IQCF1: variants seen among roughly 807,000 people sequenced by gnomAD.
IQCF1 encodes the protein IQ domain-containing protein F1.
IQCF1 carries 9 observed loss-of-function variants against 12.5 expected under a neutral mutation model. The ratio of observed to expected loss-of-function variants is 0.72; its 90% CI spans 0.43 to 1.26. The LOEUF is 1.26. Ranked by LOEUF, IQCF1 falls within the 50% of genes most tolerant of loss-of-function variation. The pLI is 0.00. For missense variants in IQCF1, 252 were observed against 257.4 expected, an observed-to-expected ratio of 0.98 and a Z score of 0.14; for synonymous variants, 67 against 96.2, an observed-to-expected ratio of 0.70 and a Z score of 1.78.
At chr3:51,902,964 C>A (rs967044333) in intron 2 of IQCF1, 21 bp downstream of exon 2, 4 of 1,573,064 alleles carry the variant, frequency 2.5e-6, no homozygotes, top group Non-Finnish European at 3.5e-6. Flanking sequence ...TCAATGACAT[C>A]CAAGTCAGGG....
At chr3:51,898,218 AAG>A (rs911495046) in intron 2 of IQCF1, among the ~76,000 whole-genome samples, 6 of 149,006 alleles carry the variant, frequency 4.0e-5, no homozygotes, top group East Asian at 2.0e-4. Context: ...AACACAGTCA[AAG>A]AGAGAGAGAA....
intron 2 of IQCF1, among the ~76,000 whole-genome samples, chr3:51,899,320 T>C (rs372634128): frequency 6.6e-6 from 1 of 152,182 alleles, no homozygotes; most frequent in Non-Finnish European, 1.5e-5. Context: ...AATTGAGGCA[T>C]GTTGAAGAAT....
chr3:51,895,970 A>G lies in IQCF1; in HGVS notation c.172-634T>C, dbSNP rs1040943697. On this transcript the variant is annotated intron_variant, in intron 3 of 3. Coordinates refer to ENST00000310914, the MANE Select transcript of IQCF1 (RefSeq NM_152397.3). This position sits in a 1 kb window ranked among gnomAD's most constrained non-coding sequence, Gnocchi z 4.8. Reference sequence around the variant, plus strand: ...ATAACATTACCAGACAAGGAAGAAAAATATTTTATCCCAAAACATGTTTCT... The same window carrying G: ...ATAACATTACCAGACAAGGAAGAAAGATATTTTATCCCAAAACATGTTTCT... Among the ~76,000 whole-genome samples, 1 of 152,188 alleles carries G rather than the reference A, an allele frequency of 6.6e-6. No homozygotes were observed. The highest frequency in any genetic ancestry group is 2.4e-5 in the African/African-American group (1 of 41,438).
Position 51,903,350 on chromosome 3 carries a change from G to T in IQCF1, c.-78C>A. On this transcript the variant is annotated 5_prime_UTR_variant, in exon 1 of 4. Transcript: ENST00000310914. ...CATCCAGCCATAGCATAGGCAGGAA[G>T]GGTGGAGGAAGAAAGGCCTGTGATG... The T allele has an allele frequency of 1.3e-6, 2 of 1,543,872 alleles. No individual in the cohort carries two copies. Among genetic ancestry groups the T allele is most frequent in the African/African-American group, 1.4e-5 (1 of 73,658 alleles).
In IQCF1 at chr3:51,895,729, T is replaced by C. The variant is rs566265099; in HGVS notation, c.172-393A>G. Among the ~76,000 whole-genome samples the C allele has an allele frequency of 1.3e-5, 2 of 152,184 alleles. No homozygotes were observed. The highest frequency in any genetic ancestry group is 2.4e-5 in the African/African-American group (1 of 41,454). The stretch of plus-strand genomic sequence containing the variant: ...CCACCTACTGGAGAAGTCACATCCT[T>C]TGCCGGCCCTGCCTTCTCATCCCTG... On this transcript the variant is annotated intron_variant, in intron 3 of 3. Transcript: ENST00000310914. This position sits in a 1 kb window ranked among gnomAD's most constrained non-coding sequence, Gnocchi z 4.8.
chr3:51,899,733 AAC>A (rs1699053247), intron 2 of IQCF1, among the ~76,000 whole-genome samples: 1 of 152,256 alleles, frequency 6.6e-6, no homozygotes, highest in African/African-American at 2.4e-5. Flanking sequence ...AAAGGTTAAA[AAC>A]AGTCTATAAA....
At chr3:51,901,746 G>T (rs2106645836) in intron 2 of IQCF1, among the ~76,000 whole-genome samples, 1 of 152,324 alleles carries the variant, frequency 6.6e-6, no homozygotes, top group Non-Finnish European at 1.5e-5. Flanking sequence ...TGCAGGATTT[G>T]AGTCAATATT....
chr3:51,899,958 CAGTA>C (rs1368349525), intron 2 of IQCF1, among the ~76,000 whole-genome samples: 1 of 152,102 alleles, frequency 6.6e-6, no homozygotes, highest in East Asian at 1.9e-4. Context: ...GGAAATTTCT[CAGTA>C]AGAAGGCACC....
intron 2 of IQCF1, among the ~76,000 whole-genome samples, chr3:51,897,224 G>A (rs910145333): frequency 3.3e-5 from 5 of 151,996 alleles, no homozygotes; most frequent in Non-Finnish European, 4.4e-5. Context: ...TAGCCTGTGC[G>A]GTCTAACCCT....
chr3:51,896,808 C>G (rs763685705), intron 3 of IQCF1, 24 bp downstream of exon 3: 24 of 1,574,492 alleles, frequency 1.5e-5, no homozygotes, highest in Non-Finnish European at 2.1e-5. Context: ...CAGCCCCAGC[C>G]CTGTGTGGTT....
chr3:51,903,224 T>A (rs775318752), intron 1 of IQCF1, 46 bp downstream of exon 1: 7 of 1,611,346 alleles, frequency 4.3e-6, no homozygotes, highest in Non-Finnish European at 5.9e-6. Context: ...CTGAGAGATC[T>A]ATGGGGACAT....
chr3:51,901,597 A>T (rs1003558553), intron 2 of IQCF1, among the ~76,000 whole-genome samples: 6 of 152,194 alleles, frequency 3.9e-5, no homozygotes, highest in African/African-American at 1.4e-4. Flanking sequence ...CTGGCATTTC[A>T]TCAACCAGAG....
At position 51,894,906 on chromosome 3, in the gene IQCF1, A is replaced by T. The variant is rs1559734488; in HGVS notation, c.602T>A (p.Phe201Tyr). The change falls in exon 4 of 4, where the codon TTC (phenylalanine) becomes TAC (tyrosine). Residue 201 changes from phenylalanine (F) to tyrosine (Y), a missense_variant. By Grantham distance (22) the Phe-to-Tyr change is conservative. Coordinates refer to ENST00000310914, the MANE Select transcript of IQCF1 (RefSeq NM_152397.3). ...GPCIVTECIP[F>Y]SIKE ...AAGACCACTTCATTCCTTTATTGAG[A>T]AGGGAATACACTCTGTCACAATGCA... is the stretch of plus-strand genomic sequence containing the variant. The T allele has an allele frequency of 2.5e-6, 4 of 1,613,684 alleles. No individual in the cohort carries two copies. Among genetic ancestry groups the T allele is most frequent in the Non-Finnish European group, 3.4e-6 (4 of 1,179,706 alleles).
intron 3 of IQCF1, 24 bp downstream of exon 3, chr3:51,896,806 GCC>G: frequency 6.4e-7 from 1 of 1,557,544 alleles, no homozygotes; most frequent in South Asian, 1.1e-5. Context: ...CCCAGCCCCA[GCC>G]CTGTGTGGTT....
chr3:51,900,567 G>A lies in IQCF1; in HGVS notation c.108+2418C>T, dbSNP rs1010849943. Among the ~76,000 whole-genome samples, 2 of 152,112 alleles carry A rather than the reference G, an allele frequency of 1.3e-5. No individual in the cohort carries two copies. The highest frequency in any genetic ancestry group is 3.9e-4 in the East Asian group (2 of 5,188). On this transcript the variant is annotated intron_variant, in intron 2 of 3. Coordinates refer to ENST00000310914, the MANE Select transcript of IQCF1 (RefSeq NM_152397.3). This position sits in a 1 kb window ranked among gnomAD's most constrained non-coding sequence, Gnocchi z 4.2. ...TCCTCAGACTGGGTATTAGTGAATT[G>A]GGACCATTTAATCCTGGGAGATTTT...
At chr3:51,896,713 G>GCGCA (rs149100108) in intron 3 of IQCF1, 119 bp downstream of exon 3, 16 of 610,560 alleles carry the variant, frequency 2.6e-5, no homozygotes, top group Non-Finnish European at 4.4e-5. Context: ...ACACACACAC[G>GCGCA]CACACACACA....
intron 2 of IQCF1, among the ~76,000 whole-genome samples, chr3:51,898,785 C>CGAG (rs1436385922): frequency 2.0e-5 from 3 of 152,190 alleles, no homozygotes; most frequent in Non-Finnish European, 4.4e-5. Flanking sequence ...ACCAGACCTA[C>CGAG]GAGGAGCTCC....
intron 2 of IQCF1, among the ~76,000 whole-genome samples, chr3:51,901,454 G>A (rs1577637537): frequency 1.3e-5 from 2 of 152,218 alleles, no homozygotes; most frequent in South Asian, 4.1e-4. Context: ...ATTTTCAAGA[G>A]CTTATCAATC....
intron 2 of IQCF1, among the ~76,000 whole-genome samples, chr3:51,898,632 A>G (rs1330109851): frequency 1.3e-5 from 2 of 152,214 alleles, no homozygotes; most frequent in Non-Finnish European, 2.9e-5. Context: ...AAAAAAAGCA[A>G]AAAGGTAGCT....
Sources: allele counts gnomAD v4.1 joint callset (sites outside exome capture counted in the v4.1 genomes callset), GRCh38; gene constraint gnomAD v4.1.1; non-coding constraint Gnocchi (gnomAD v3.1); transcripts MANE v1.5; gene names NCBI Gene and HGNC (gene_info 2026-07-23, HGNC 2026-07-21).